Variants in PAPPA2 observed in about 807,000 individuals in gnomAD.
PAPPA2 encodes pappalysin-2.
Under a neutral mutation model 176.4 loss-of-function variants are expected in PAPPA2, and 86 were observed. The ratio of observed to expected loss-of-function variants is 0.49; its 90% CI spans 0.41 to 0.58. The LOEUF is 0.58. Among genes scored for constraint, PAPPA2 ranks in the 20% least tolerant of loss-of-function variants. The probability of loss-of-function intolerance (pLI) is 0.00; values close to 1 mark genes in which losing one functional copy is unlikely to be tolerated. For synonymous variants in PAPPA2, 809 were observed against 852.2 expected (o/e 0.95, Z 0.88); for missense variants, 2,073 against 2,256.9 (o/e 0.92, Z 1.65).
intron 21 of PAPPA2, among the ~76,000 whole-genome samples, chr1:176,836,448 C>A (rs1040485217): frequency 2.0e-5 from 3 of 152,184 alleles, no homozygotes; most frequent in African/African-American, 4.8e-5. Flanking sequence ...TCCAAACTAA[C>A]CTTTCTAAAA....
chr1:176,778,752 A>G (rs931296577), intron 17 of PAPPA2, among the ~76,000 whole-genome samples: 5 of 152,132 alleles, frequency 3.3e-5, no homozygotes, highest in African/African-American at 1.2e-4. Flanking sequence ...CTCTATGTAC[A>G]CTCATGTATC....
At chr1:176,815,942 A>G (rs1230914697) in intron 21 of PAPPA2, among the ~76,000 whole-genome samples, 5 of 151,830 alleles carry the variant, frequency 3.3e-5, no homozygotes, top group African/African-American at 1.2e-4. Context: ...TGAGTCTCAG[A>G]GGGATGCCTT....
At chr1:176,680,236 G>T (rs1252427665) in intron 4 of PAPPA2, among the ~76,000 whole-genome samples, 1 of 152,176 alleles carries the variant, frequency 6.6e-6, no homozygotes. Context: ...TAAATCTTCA[G>T]TAACATTATG....
At chr1:176,746,691 G>A (rs1571264175) in intron 14 of PAPPA2, among the ~76,000 whole-genome samples, 1 of 152,172 alleles carries the variant, frequency 6.6e-6, no homozygotes, top group South Asian at 2.1e-4. Flanking sequence ...TACACATTCT[G>A]ATTGAGATGG....
chr1:176,581,143 G>A (rs1022181757), intron 2 of PAPPA2, among the ~76,000 whole-genome samples: 3 of 152,040 alleles, frequency 2.0e-5, no homozygotes, highest in Non-Finnish European at 4.4e-5. Flanking sequence ...TTTTAATAGG[G>A]TGAGAGGTGG....
At chr1:176,541,236 A>T (rs1433320495) in intron 1 of PAPPA2, among the ~76,000 whole-genome samples, 1 of 152,200 alleles carries the variant, frequency 6.6e-6, no homozygotes, top group Non-Finnish European at 1.5e-5. Context: ...CACAAACCAT[A>T]CAGAGATGCA....
chr1:176,543,074 A>G (rs961982777), intron 1 of PAPPA2, among the ~76,000 whole-genome samples: 3 of 152,020 alleles, frequency 2.0e-5, no homozygotes, highest in African/African-American at 7.2e-5. Context: ...TTCCACAACC[A>G]CCTACAACAT....
Position 176,666,608 on chromosome 1 carries a change from T to TGAGA in PAPPA2, c.1992-4345_1992-4342dup, listed in dbSNP as rs55742086. On this transcript the variant is annotated intron_variant, in intron 3 of 22. Coordinates refer to ENST00000367662, the MANE Select transcript of PAPPA2 (RefSeq NM_020318.3). ...GTGTGTGTGTGTGTGTGTGTGTGTGTGAGAGAGAGAGAGAGAGAGAAAGAG... is the reference window on the plus strand; with the variant it reads ...GTGTGTGTGTGTGTGTGTGTGTGTGTGAGAGAGAGAGAGAGAGAGAGAGAAAGAG... Among the ~76,000 whole-genome samples, 51 of 101,336 alleles carry TGAGA rather than the reference T, an allele frequency of 5.0e-4. 1 individual carries two copies. The highest frequency in any genetic ancestry group is 9.0e-4 in the African/African-American group (25 of 27,908). The allele number at this position is 101,336 out of a possible 152,430, so 66.5% of individuals were successfully genotyped here.
intron 1 of PAPPA2, among the ~76,000 whole-genome samples, chr1:176,536,663 A>T (rs1650079636): frequency 3.3e-5 from 5 of 152,204 alleles, no homozygotes; most frequent in African/African-American, 9.7e-5. Flanking sequence ...TAACCTGGGC[A>T]TCTTCTCAAG....
chr1:176,709,950 A>G (rs1661065904), intron 10 of PAPPA2, 33 bp from the exon 11 acceptor site: 2 of 1,553,556 alleles, frequency 1.3e-6, no homozygotes, highest in Non-Finnish European at 1.7e-6. Context: ...TTATGAAAAC[A>G]CTTTTTCTGT....
rs181053426 is a variant in PAPPA2, at chr1:176,506,224, C to T, written c.-917+42806C>T. On this transcript the variant is annotated intron_variant, in intron 1 of 22. Transcript: ENST00000367662. ...ATTGGTCTGTGTGTCTGTTTTTGTACCAATACCATGCTGTTTTGGTTATTA... is the reference window on the plus strand; with the variant it reads ...ATTGGTCTGTGTGTCTGTTTTTGTATCAATACCATGCTGTTTTGGTTATTA... Among the ~76,000 whole-genome samples, 246 of 152,158 alleles carry T rather than the reference C, an allele frequency of 1.6e-3. 3 individuals carry two copies. The highest frequency in any genetic ancestry group is 2.5e-3 in the Non-Finnish European group (171 of 67,976).
Position 176,670,984 on chromosome 1 carries a change from T to C in PAPPA2, c.2006T>C (p.Val669Ala). The C allele has an allele frequency of 6.2e-7, 1 of 1,613,760 alleles. No individual in the cohort carries two copies. The highest frequency in any genetic ancestry group is 8.5e-7 in the Non-Finnish European group (1 of 1,179,802). The change falls in exon 4 of 23, where the codon GTG (valine) becomes GCG (alanine). Residue 669 changes from valine to alanine, a missense_variant. Val to Ala is a moderately conservative substitution (Grantham distance 64). Coordinates refer to ENST00000367662, the MANE Select transcript of PAPPA2 (RefSeq NM_020318.3). ...PDSPKRAYMSVKELKEALQLN... is the reference protein window; with the variant it reads ...PDSPKRAYMSAKELKEALQLN... The stretch of plus-strand genomic sequence containing the variant: ...ATGCTCTCTAGGGCATACATGAGTG[T>C]GAAGGAGCTGAAGGAGGCCCTGCAG...
Position 176,556,410 on chromosome 1 carries a change from C to T in PAPPA2, c.88C>T (p.Arg30Cys), listed in dbSNP as rs371276745. ...CSANSELGWT[R>C]KKSLVEREHL... ...TGCCAACTCTGAGCTGGGCTGGACACGCAAGAAATCCTTGGTTGAGAGGGA... is the reference window on the plus strand; with the variant it reads ...TGCCAACTCTGAGCTGGGCTGGACATGCAAGAAATCCTTGGTTGAGAGGGA... The change falls in exon 2 of 23, where the codon CGC (arginine) becomes TGC (cysteine). Residue 30 changes from arginine (R) to cysteine (C), a missense_variant. Transcript: ENST00000367662. 101 of 1,614,014 alleles carry T rather than the reference C, an allele frequency of 6.3e-5. No individual in the cohort carries two copies. The highest frequency in any genetic ancestry group is 2.2e-4 in the Admixed American group (13 of 59,992).
intron 3 of PAPPA2, among the ~76,000 whole-genome samples, chr1:176,611,753 A>G (rs1052912955): frequency 3.3e-5 from 5 of 152,182 alleles, no homozygotes; most frequent in African/African-American, 1.2e-4. Context: ...TATTATTTCA[A>G]GGCTTTATTG....
At chr1:176,759,316 G>A (rs762037308) in intron 14 of PAPPA2, among the ~76,000 whole-genome samples, 9 of 151,972 alleles carry the variant, frequency 5.9e-5, no homozygotes, top group Non-Finnish European at 1.0e-4. Flanking sequence ...TTTCTTTTGG[G>A]CTAACTTTTC....
At chr1:176,587,798 A>G (rs1653412190) in intron 2 of PAPPA2, among the ~76,000 whole-genome samples, 1 of 152,212 alleles carries the variant, frequency 6.6e-6, no homozygotes, top group Non-Finnish European at 1.5e-5. Context: ...ATGAAATTTA[A>G]AATAGTTGAT....
At chr1:176,658,779 T>C (rs1028230886) in intron 3 of PAPPA2, among the ~76,000 whole-genome samples, 1 of 152,004 alleles carries the variant, frequency 6.6e-6, no homozygotes, top group Non-Finnish European at 1.5e-5. Context: ...AAAGAAAATC[T>C]AAGTTCTTCA....
chr1:176,471,889 C>G (rs900317210), intron 1 of PAPPA2, among the ~76,000 whole-genome samples: 1 of 152,152 alleles, frequency 6.6e-6, no homozygotes, highest in Non-Finnish European at 1.5e-5. Flanking sequence ...TTTACTCCAG[C>G]CTCTGTATTT....
chr1:176,573,158 G>A (rs926528447), intron 2 of PAPPA2, among the ~76,000 whole-genome samples: 1 of 152,120 alleles, frequency 6.6e-6, no homozygotes, highest in African/African-American at 2.4e-5. Context: ...TCTTATCAAG[G>A]TTAAGGAATG....
Sources: allele counts gnomAD v4.1 joint callset (sites outside exome capture counted in the v4.1 genomes callset), GRCh38; gene constraint gnomAD v4.1.1; transcripts MANE v1.5; gene names NCBI Gene and HGNC (gene_info 2026-07-23, HGNC 2026-07-21).